Variants in CYP27C1 observed in about 807,000 individuals in gnomAD.
CYP27C1 encodes the protein cytochrome P450 27C1.
A neutral mutation model predicts 40.6 loss-of-function variants in CYP27C1; 29 were observed. That is an observed-to-expected ratio of 0.71 (90% CI 0.53 to 0.97). CYP27C1 has a LOEUF of 0.97. CYP27C1 is among the 50% of genes least tolerant of loss of function. The pLI is 0.00. For missense variants in CYP27C1, 390 were observed against 485.8 expected (o/e 0.80, Z 1.85); for synonymous variants, 198 against 186.8 (o/e 1.06, Z -0.49).
rs1324748140 is a variant in CYP27C1, at chr2:127,204,464, GA to G, written c.474-894del. On this transcript the variant is annotated intron_variant, in intron 2 of 8. Transcript: ENST00000664447. ...AAAAAGAAAGAAAGAAAGAAAGAAAGAAAGAAAGAAAGAAAGAAAGAAAGGA... is the reference window on the plus strand; with the variant it reads ...AAAAAGAAAGAAAGAAAGAAAGAAAGAAGAAAGAAAGAAAGAAAGAAAGGA... 4.2e-5 allele frequency among the ~76,000 whole-genome samples: 3 copies of G among 70,678 alleles called. 1 individual carries two copies. The highest frequency in any genetic ancestry group is 2.9e-5 in the Non-Finnish European group (1 of 34,774). 46.4% of individuals were successfully genotyped at this position (70,678 alleles called of 152,430 possible).
intron 6 of CYP27C1, among the ~76,000 whole-genome samples, chr2:127,194,734 AG>A: frequency 6.6e-6 from 1 of 152,324 alleles, no homozygotes; most frequent in Admixed American, 6.5e-5. Flanking sequence ...TTATCTTCAG[AG>A]GAACAAAGTC....
intron 5 of CYP27C1, among the ~76,000 whole-genome samples, chr2:127,198,186 T>TACACCCAC (rs1682949339): frequency 6.8e-6 from 1 of 148,072 alleles, no homozygotes. Context: ...AATTTGTTGA[T>TACACCCAC]ACACACACAC....
chr2:127,189,022 C>T (rs1422481661), intron 8 of CYP27C1, among the ~76,000 whole-genome samples: 2 of 152,160 alleles, frequency 1.3e-5, no homozygotes, highest in Non-Finnish European at 1.5e-5. Context: ...CCTGCTCATT[C>T]CCATGCGGTA....
At chr2:127,202,906 T>C (rs144027902) in intron 3 of CYP27C1, among the ~76,000 whole-genome samples, 2,030 of 152,230 alleles carry the variant, frequency 0.013, 30 homozygotes, top group Non-Finnish European at 0.022. Context: ...CAGTGGCTCA[T>C]GCCTGTAATC....
chr2:127,193,735 T>A, intron 7 of CYP27C1, 54 bp downstream of exon 7: 1 of 1,591,986 alleles, frequency 6.3e-7, no homozygotes, highest in Non-Finnish European at 8.6e-7. Context: ...AGAAGCAGAT[T>A]CCAATTCAAC....
At chr2:127,212,116 A>T (rs1456660318) in intron 1 of CYP27C1, among the ~76,000 whole-genome samples, 1 of 152,220 alleles carries the variant, frequency 6.6e-6, no homozygotes, top group Non-Finnish European at 1.5e-5. Context: ...AGACTAAACC[A>T]GGAAGAAATT....
intron 3 of CYP27C1, among the ~76,000 whole-genome samples, chr2:127,202,741 A>G (rs1017991368): frequency 1.3e-5 from 2 of 151,290 alleles, no homozygotes; most frequent in Non-Finnish European, 2.9e-5. Context: ...CTCAAACAAA[A>G]TGTTTTTTTT....
chr2:127,187,218 A>G lies in CYP27C1; in HGVS notation c.*53T>C. The G allele has an allele frequency of 7.1e-7, 1 of 1,416,806 alleles. No homozygotes were observed. The highest frequency in any genetic ancestry group is 1.2e-5 in the South Asian group (1 of 86,614). The allele number at this position is 1,416,806 out of a possible 1,614,324, so 87.8% of individuals were successfully genotyped here. ...CGGTGATCAGCGAACACAAATACCC[A>G]CTGTGTGTCGGCGAGCTGGTCTGCT... is the stretch of plus-strand genomic sequence containing the variant. On this transcript the variant is annotated 3_prime_UTR_variant, in exon 9 of 9. Transcript: ENST00000664447.
intron 3 of CYP27C1, among the ~76,000 whole-genome samples, chr2:127,202,675 C>G (rs75048909): frequency 0.014 from 2,085 of 152,012 alleles, 55 homozygotes; most frequent in African/African-American, 0.048. Flanking sequence ...TGACTAAAAG[C>G]TAGAATGAGT....
At chr2:127,192,455 G>A (rs890170057) in intron 8 of CYP27C1, among the ~76,000 whole-genome samples, 3 of 152,278 alleles carry the variant, frequency 2.0e-5, no homozygotes, top group Non-Finnish European at 4.4e-5. Flanking sequence ...ATCCAGATAC[G>A]GTGCAAACCC....
chr2:127,213,886 G>A (rs184910581), intron 1 of CYP27C1, among the ~76,000 whole-genome samples: 13 of 152,234 alleles, frequency 8.5e-5, no homozygotes, highest in African/African-American at 3.1e-4. Context: ...CCTACAGAAT[G>A]GGAGAAAGTT....
At chr2:127,214,304 C>T (rs998206782) in intron 1 of CYP27C1, among the ~76,000 whole-genome samples, 2 of 152,204 alleles carry the variant, frequency 1.3e-5, no homozygotes, top group Admixed American at 1.3e-4. Flanking sequence ...TTTGACCCAG[C>T]AATCCCATTC....
At chr2:127,212,037 C>A (rs546551026) in intron 1 of CYP27C1, among the ~76,000 whole-genome samples, 1 of 152,120 alleles carries the variant, frequency 6.6e-6, no homozygotes, top group Non-Finnish European at 1.5e-5. Flanking sequence ...ATACTATAAA[C>A]ACCTCTATGC....
intron 1 of CYP27C1, among the ~76,000 whole-genome samples, chr2:127,213,318 A>AC (rs1553504178): frequency 0.18 from 26,747 of 151,380 alleles, 2,845 homozygotes; most frequent in South Asian, 0.29. Flanking sequence ...AAAAAAAAAA[A>AC]CTTAAATTTC....
rs759131082 is a variant in CYP27C1 at position 127,187,277 on chromosome 2, TCTGTTAA to T, written c.1601_1607del (p.Val534GlufsTer7). The T allele has an allele frequency of 6.2e-7, 1 of 1,614,028 alleles. No individual in the cohort carries two copies. The highest frequency in any genetic ancestry group is 2.2e-5 in the East Asian group (1 of 44,882). On this transcript the variant is annotated frameshift_variant, in exon 9 of 9. Coordinates refer to ENST00000664447, the MANE Select transcript of CYP27C1 (RefSeq NM_001367502.1). LOFTEE classifies it high-confidence loss of function. Reference sequence around the variant, plus strand: ...CCAGGTTTAAAATCTAGGCTTACTTTCTGTTAACAAATCGCACGTGGATGGGCCCCCC... The same window carrying T: ...CCAGGTTTAAAATCTAGGCTTACTTTCAAATCGCACGTGGATGGGCCCCCC...
At position 127,209,196 on chromosome 2, in the gene CYP27C1, G is replaced by A. The variant is rs535009724; in HGVS notation, c.283-3106C>T. Among the ~76,000 whole-genome samples the A allele has an allele frequency of 6.6e-6, 1 of 152,220 alleles. No homozygotes were observed. Among genetic ancestry groups the A allele is most frequent in the Admixed American group, 6.5e-5 (1 of 15,290 alleles). ...CAGCCTCCTTGAGTGACATCTCCAG[G>A]CACAGGAGCAAATCAGAAGAATAGG... On this transcript the variant is annotated intron_variant, in intron 1 of 8. Transcript: ENST00000664447. The surrounding 1 kb of genome is among the most constrained non-coding windows in gnomAD (Gnocchi z 4.1).
In CYP27C1 at chr2:127,205,951, G is replaced by A. The variant is rs1050612717; in HGVS notation, c.422C>T (p.Ser141Phe). 1.3e-5 allele frequency among the ~76,000 whole-genome samples: 2 copies of A among 152,218 alleles called. No individual in the cohort carries two copies. The highest frequency in any genetic ancestry group is 2.9e-5 in the Non-Finnish European group (2 of 68,040). ...GAAPQRANME[S>F]WREYRDLRGR... ...CCGCAAGTCTCGGTACTCCCGCCAG[G>A]ACTCCATGTTGGCTCTCTGGGGCGC... is the stretch of plus-strand genomic sequence containing the variant. Residue 141 changes from serine to phenylalanine, a missense_variant, in exon 2 of 9, where the codon TCC becomes TTC. Transcript: ENST00000664447.
chr2:127,194,696 T>A (rs1682862716), intron 6 of CYP27C1, among the ~76,000 whole-genome samples: 1 of 152,184 alleles, frequency 6.6e-6, no homozygotes, highest in South Asian at 2.1e-4. Context: ...GTCAAACTAT[T>A]TTCCTAACAA....
chr2:127,207,412 T>C (rs1213593597), intron 1 of CYP27C1, among the ~76,000 whole-genome samples: 1 of 152,164 alleles, frequency 6.6e-6, no homozygotes, highest in African/African-American at 2.4e-5. Context: ...TAGAATCGCT[T>C]GAACCCAGGA....
Sources: allele counts gnomAD v4.1 joint callset (sites outside exome capture counted in the v4.1 genomes callset), GRCh38; gene constraint gnomAD v4.1.1; non-coding constraint Gnocchi (gnomAD v3.1); transcripts MANE v1.5; gene names NCBI Gene and HGNC (gene_info 2026-07-23, HGNC 2026-07-21).